STEAP1B: variants seen among roughly 807,000 people sequenced by gnomAD.
The protein encoded by STEAP1B is STEAP family protein MGC87042.
A neutral mutation model predicts 27.9 loss-of-function variants in STEAP1B; 13 were observed. The observed-to-expected ratio is 0.47, with a 90% CI of 0.30 to 0.74. The LOEUF (loss-of-function observed/expected upper bound fraction) is 0.74. STEAP1B is among the 30% of genes least tolerant of loss of function. The pLI, the probability that STEAP1B is intolerant of heterozygous loss-of-function variation, is 0.06. For missense variants in STEAP1B, 250 were observed against 298.7 expected (o/e 0.84, Z 1.20); for synonymous variants, 86 against 107.1 (o/e 0.80, Z 1.22).
intron 4 of STEAP1B, among the ~76,000 whole-genome samples, chr7:22,489,591 C>T (rs1340676736): frequency 2.0e-5 from 3 of 152,090 alleles, no homozygotes; most frequent in South Asian, 2.1e-4. Context: ...GACACAGAGA[C>T]GGACAGGCAC....
intron 4 of STEAP1B, among the ~76,000 whole-genome samples, chr7:22,461,399 A>C (rs1785675996): frequency 6.6e-6 from 1 of 151,978 alleles, no homozygotes. Flanking sequence ...GATAGCTGCC[A>C]TTACAGGTGC....
At chr7:22,476,134 T>C (rs910090451) in intron 4 of STEAP1B, among the ~76,000 whole-genome samples, 2 of 152,172 alleles carry the variant, frequency 1.3e-5, no homozygotes, top group Admixed American at 1.3e-4. Flanking sequence ...GGGCTTCATG[T>C]CCCATTTCAG....
At position 22,419,754 on chromosome 7, in the gene STEAP1B, G is replaced by A; in HGVS notation, c.*50C>T. 6.5e-7 allele frequency: 1 copy of A among 1,542,658 alleles called. No homozygotes were observed. The highest frequency in any genetic ancestry group is 8.8e-7 in the Non-Finnish European group (1 of 1,141,970). On this transcript the variant is annotated 3_prime_UTR_variant, in exon 5 of 5. Coordinates refer to ENST00000678116, the MANE Select transcript of STEAP1B (RefSeq NM_001382447.1). ...TGTTCTGCATGAGCAATCCAATGCT[G>A]TGCTCCAAAGCCTCGTTCTCATTTC... is the stretch of plus-strand genomic sequence containing the variant.
intron 4 of STEAP1B, among the ~76,000 whole-genome samples, chr7:22,458,699 C>A (rs1460465501): frequency 6.6e-6 from 1 of 152,176 alleles, no homozygotes; most frequent in African/African-American, 2.4e-5. Context: ...TGGAGGGGAA[C>A]TATAGGACTT....
At chr7:22,489,066 G>A (rs937058602) in intron 4 of STEAP1B, among the ~76,000 whole-genome samples, 9 of 152,166 alleles carry the variant, frequency 5.9e-5, no homozygotes, top group Non-Finnish European at 1.0e-4. Flanking sequence ...CTGCTGTTCA[G>A]AATAGATTCA....
chr7:22,426,249 C>A (rs1785106147), intron 4 of STEAP1B, among the ~76,000 whole-genome samples: 1 of 152,134 alleles, frequency 6.6e-6, no homozygotes, highest in African/African-American at 2.4e-5. Context: ...ACCAGATCAT[C>A]TGAAATTCTT....
chr7:22,457,353 TTCC>T (rs149602455), intron 4 of STEAP1B, among the ~76,000 whole-genome samples: 2,644 of 152,306 alleles, frequency 0.017, 93 homozygotes, highest in African/African-American at 0.061. Flanking sequence ...GCCAACTGTA[TTCC>T]TTTTTCGCTA....
rs1786377699 is a variant in STEAP1B at position 22,493,439 on chromosome 7, C to A, written c.482G>T (p.Arg161Ile). 6.2e-7 allele frequency: 1 copy of A among 1,613,644 alleles called. No homozygotes were observed. Among genetic ancestry groups the A allele is most frequent in the Non-Finnish European group, 8.5e-7 (1 of 1,179,596 alleles). The change falls in exon 3 of 5, where the codon AGA (arginine) becomes ATA (isoleucine). Residue 161 changes from arginine (R) to isoleucine (I), a missense_variant. Physicochemically the swap from Arg to Ile is moderately conservative, Grantham distance 97. Coordinates refer to ENST00000678116, the MANE Select transcript of STEAP1B (RefSeq NM_001382447.1). ...PHWLDKWMLTRKQFGLLSLFF... is the reference protein window; with the variant it reads ...PHWLDKWMLTIKQFGLLSLFF... The stretch of plus-strand genomic sequence containing the variant: ...CAAACTGAGAAGCCCAAACTGCTTT[C>A]TTGTTAACATCCACTTATCCAACCA...
intron 4 of STEAP1B, among the ~76,000 whole-genome samples, chr7:22,488,742 G>A (rs1211934115): frequency 2.6e-5 from 4 of 152,186 alleles, no homozygotes; most frequent in African/African-American, 9.7e-5. Context: ...GCAGGCAGAA[G>A]CAGTCAGGGG....
At chr7:22,457,259 C>A (rs1297667028) in intron 4 of STEAP1B, among the ~76,000 whole-genome samples, 1 of 151,826 alleles carries the variant, frequency 6.6e-6, no homozygotes, top group African/African-American at 2.4e-5. Flanking sequence ...AAAGGGAGTT[C>A]TGATTTTTAA....
At chr7:22,419,929 AATTGCAAGT>A in intron 4 of STEAP1B, 93 bp from the exon 5 acceptor site, 1 of 1,409,548 alleles carries the variant, frequency 7.1e-7, no homozygotes, top group Non-Finnish European at 9.6e-7. Flanking sequence ...AAACATGAGA[AATTGCAAGT>A]ATACACGCTT....
rs965652355 is a variant in STEAP1B at position 22,435,821 on chromosome 7, C to T, written c.763-15985G>A. Among the ~76,000 whole-genome samples, 5 of 152,328 alleles carry T rather than the reference C, an allele frequency of 3.3e-5. No individual in the cohort carries two copies. The South Asian group carries it at 8.3e-4, about 25-fold the overall frequency. On this transcript the variant is annotated intron_variant, in intron 4 of 4. Coordinates refer to ENST00000678116, the MANE Select transcript of STEAP1B (RefSeq NM_001382447.1). Reference sequence around the variant, plus strand: ...AGACCAGCAGGTGTGATATAAGACTCAATTCAAGTTAGCCTGGCCTCCATC... The same window carrying T: ...AGACCAGCAGGTGTGATATAAGACTTAATTCAAGTTAGCCTGGCCTCCATC...
intron 4 of STEAP1B, among the ~76,000 whole-genome samples, chr7:22,430,336 ATATGAAGTG>A (rs1393455052): frequency 6.6e-6 from 1 of 152,210 alleles, no homozygotes; most frequent in African/African-American, 2.4e-5. Flanking sequence ...TACCAGACAT[ATATGAAGTG>A]CTCAATGAAT....
chr7:22,476,368 A>T (rs191914468), intron 4 of STEAP1B, among the ~76,000 whole-genome samples: 1 of 152,306 alleles, frequency 6.6e-6, no homozygotes, highest in Non-Finnish European at 1.5e-5. Flanking sequence ...GGGATGGCCC[A>T]GTGGCAGCAG....
At chr7:22,452,077 T>C (rs2128404786) in intron 4 of STEAP1B, among the ~76,000 whole-genome samples, 1 of 152,260 alleles carries the variant, frequency 6.6e-6, no homozygotes, top group South Asian at 2.1e-4. Context: ...TATAAAGAAC[T>C]GATAACCAGA....
chr7:22,433,669 A>G (rs740295), intron 4 of STEAP1B, among the ~76,000 whole-genome samples: 36,697 of 152,146 alleles, frequency 0.24, 5,399 homozygotes, highest in Non-Finnish European at 0.31. Flanking sequence ...TACCTATACA[A>G]TTAGGAAGCG....
intron 4 of STEAP1B, among the ~76,000 whole-genome samples, chr7:22,440,970 T>C (rs1462752023): frequency 6.7e-6 from 1 of 150,184 alleles, no homozygotes; most frequent in African/African-American, 2.4e-5. Context: ...ATATGTTAAA[T>C]TATATATTAA....
At chr7:22,469,735 C>T (rs74324253) in intron 4 of STEAP1B, among the ~76,000 whole-genome samples, 3,819 of 152,212 alleles carry the variant, frequency 0.025, 133 homozygotes, top group Admixed American at 0.096. Flanking sequence ...TCTAGGTTAG[C>T]GTAAGTACAC....
intron 4 of STEAP1B, among the ~76,000 whole-genome samples, chr7:22,443,813 T>A (rs1258908563): frequency 6.6e-6 from 1 of 152,102 alleles, no homozygotes; most frequent in Non-Finnish European, 1.5e-5. Flanking sequence ...GCAAAAACAC[T>A]TCCACTCGGC....
Sources: allele counts gnomAD v4.1 joint callset (sites outside exome capture counted in the v4.1 genomes callset), GRCh38; gene constraint gnomAD v4.1.1; transcripts MANE v1.5; gene names NCBI Gene and HGNC (gene_info 2026-07-23, HGNC 2026-07-21).